ERICH6: variants seen among roughly 807,000 people sequenced by gnomAD.
ERICH6 encodes the protein glutamate-rich protein 6.
In ERICH6, 71 loss-of-function variants were observed where a neutral mutation model predicts 71.0. The observed-to-expected ratio is 1.00, with a 90% confidence interval of 0.83 to 1.22. The LOEUF is 1.22. ERICH6 is among the 50% of genes most tolerant of loss of function. The pLI is 0.00. For missense variants in ERICH6, 808 were observed against 797.2 expected (o/e 1.01, Z -0.16); for synonymous variants, 262 against 278.4 (o/e 0.94, Z 0.59).
intron 4 of ERICH6, 123 bp from the exon 5 acceptor site, chr3:150,686,144 G>C: frequency 8.4e-7 from 1 of 1,188,752 alleles, no homozygotes; most frequent in Non-Finnish European, 1.2e-6. Context: ...ACACTGTTCA[G>C]ATGCCCTGAT....
chr3:150,676,543 G>A (rs753520290), intron 10 of ERICH6, among the ~76,000 whole-genome samples: 17 of 152,120 alleles, frequency 1.1e-4, no homozygotes, highest in Non-Finnish European at 1.6e-4. Flanking sequence ...ATAATTTGTA[G>A]GTGTGATTTG....
At chr3:150,672,659 T>C (rs996427149) in intron 11 of ERICH6, among the ~76,000 whole-genome samples, 5 of 151,994 alleles carry the variant, frequency 3.3e-5, no homozygotes. Context: ...TTTTCTTTTT[T>C]TTTTTAATTG....
Position 150,682,233 on chromosome 3 carries a change from A to G in ERICH6, c.867T>C (p.Ser289=). 1 of 1,613,910 alleles carries G rather than the reference A, an allele frequency of 6.2e-7. No individual in the cohort carries two copies. ...TAGAACTTACATGCCCTTTTGGTTC[A>G]GAGGAAACATCCACATTAGAAAAAA... ...RAFFSNVDVS[S]EPKGHASCCI... is the part of the protein sequence containing the mutation. The change falls in exon 7 of 14, where the codon TCT becomes TCC. Residue 289 remains serine (S), a synonymous_variant. Coordinates refer to ENST00000295910, the MANE Select transcript of ERICH6 (RefSeq NM_152394.5).
At chr3:150,689,375 C>G (rs1177256471) in intron 3 of ERICH6, among the ~76,000 whole-genome samples, 1 of 152,130 alleles carries the variant, frequency 6.6e-6, no homozygotes, top group Non-Finnish European at 1.5e-5. Flanking sequence ...TGCTGCCGTT[C>G]CATAGCTAAG....
chr3:150,695,677 A>C (rs540099374), intron 3 of ERICH6, among the ~76,000 whole-genome samples: 15 of 152,082 alleles, frequency 9.9e-5, no homozygotes, highest in African/African-American at 3.6e-4. Context: ...AAAAAGAGAA[A>C]GAAAAAAAGA....
At chr3:150,662,310 A>G (rs972449135) in intron 13 of ERICH6, among the ~76,000 whole-genome samples, 7 of 152,240 alleles carry the variant, frequency 4.6e-5, no homozygotes, top group African/African-American at 1.7e-4. Context: ...TTCAAAATAT[A>G]TACGGCAAAA....
chr3:150,679,274 G>T (rs926099158), intron 9 of ERICH6, among the ~76,000 whole-genome samples: 4 of 151,794 alleles, frequency 2.6e-5, no homozygotes, highest in Non-Finnish European at 4.4e-5. Context: ...GGTGGTGTTT[G>T]GTTACATGAA....
intron 1 of ERICH6, among the ~76,000 whole-genome samples, chr3:150,702,609 C>T (rs1215306478): frequency 6.6e-6 from 1 of 152,052 alleles, no homozygotes; most frequent in Non-Finnish European, 1.5e-5. Flanking sequence ...AGGATGTGTG[C>T]TTCTAGCACA....
Position 150,702,159 on chromosome 3 carries a change from C to G in ERICH6, c.423G>C (p.Gln141His). The G allele has an allele frequency of 6.3e-7, 1 of 1,579,024 alleles. No individual in the cohort carries two copies. The highest frequency in any genetic ancestry group is 8.6e-7 in the Non-Finnish European group (1 of 1,158,030). ...TTTCAGACATGTCTTTCCTAAATGT[C>G]TGAAATATTTTAGGGAAACCTGTTG... ...SSHKSFPKIF[Q>H]TFRKDMSEMS... is the part of the protein sequence containing the mutation. The change falls in exon 2 of 14, where the codon CAG becomes CAC. Residue 141 changes from glutamine (Q) to histidine (H), a missense_variant. Physicochemically the swap from Gln to His is conservative, Grantham distance 24 (BLOSUM62 0). This residue lies in a region of ERICH6 where 736 missense variants were observed against 712.2 expected (regional missense o/e 1.03). Coordinates refer to ENST00000295910, the MANE Select transcript of ERICH6 (RefSeq NM_152394.5).
chr3:150,702,057 T>C (rs1274150938), intron 2 of ERICH6, 64 bp downstream of exon 2: 3 of 1,137,922 alleles, frequency 2.6e-6, no homozygotes, highest in Non-Finnish European at 3.8e-6. Flanking sequence ...CTTCCTAACA[T>C]GTTTATCCAA....
Position 150,683,392 on chromosome 3 carries a change from G to A in ERICH6, c.784-1076C>T, listed in dbSNP as rs562450584. ...GCCATTCACAACCTGCTCCATACAA[G>A]GGACTTGGTTGTGAACTTCTCAGCC... is the stretch of plus-strand genomic sequence containing the variant. On this transcript the variant is annotated intron_variant, in intron 6 of 13. Transcript: ENST00000295910. Among the ~76,000 whole-genome samples the A allele has an allele frequency of 2.6e-5, 4 of 152,258 alleles. No individual in the cohort carries two copies. The South Asian group carries it at 8.3e-4, about 32-fold the overall frequency.
intron 11 of ERICH6, 42 bp downstream of exon 11, chr3:150,673,914 A>T: frequency 6.4e-7 from 1 of 1,572,292 alleles, no homozygotes; most frequent in East Asian, 2.2e-5. Context: ...CTTTTTTTTG[A>T]AGTAATAAAG....
At chr3:150,662,612 G>C (rs189677872) in intron 13 of ERICH6, among the ~76,000 whole-genome samples, 1 of 152,322 alleles carries the variant, frequency 6.6e-6, no homozygotes, top group Admixed American at 6.5e-5. Context: ...AAATTAACAA[G>C]AGAGGGGTAA....
intron 13 of ERICH6, among the ~76,000 whole-genome samples, chr3:150,660,637 C>T (rs772826706): frequency 6.6e-6 from 1 of 152,196 alleles, no homozygotes; most frequent in Non-Finnish European, 1.5e-5. Flanking sequence ...TAACCTCTCC[C>T]TTACTCTTCT....
chr3:150,699,039 A>T (rs1712760532), intron 2 of ERICH6, among the ~76,000 whole-genome samples, 157 bp from the exon 3 acceptor site: 1 of 152,180 alleles, frequency 6.6e-6, no homozygotes, highest in South Asian at 2.1e-4. Flanking sequence ...AGTAAAGTTA[A>T]CTCAGTGTGT....
chr3:150,690,730 A>G (rs1194012846), intron 3 of ERICH6, among the ~76,000 whole-genome samples: 1 of 152,214 alleles, frequency 6.6e-6, no homozygotes, highest in Non-Finnish European at 1.5e-5. Context: ...TTTATTAATC[A>G]AGCAATTTCA....
At chr3:150,661,366 A>T (rs891290457) in intron 13 of ERICH6, among the ~76,000 whole-genome samples, 1 of 152,218 alleles carries the variant, frequency 6.6e-6, no homozygotes, top group Non-Finnish European at 1.5e-5. Context: ...AGCGGGCACT[A>T]GCGCTAGCCT....
chr3:150,680,423 T>C (rs746397033), intron 9 of ERICH6, 45 bp downstream of exon 9: 5 of 1,581,936 alleles, frequency 3.2e-6, no homozygotes, highest in South Asian at 2.2e-5. Flanking sequence ...CTGAGCTTTC[T>C]GACGTTGTAC....
chr3:150,667,079 C>A (rs1576547061), intron 12 of ERICH6, 64 bp from the exon 13 acceptor site: 1 of 1,465,072 alleles, frequency 6.8e-7, no homozygotes. Flanking sequence ...TGGAATTATC[C>A]CTGTCACTTG....
Sources: allele counts gnomAD v4.1 joint callset (sites outside exome capture counted in the v4.1 genomes callset), GRCh38; gene constraint gnomAD v4.1.1; regional missense constraint gnomAD v4.1.1; transcripts MANE v1.5; gene names NCBI Gene and HGNC (gene_info 2026-07-23, HGNC 2026-07-21).